Variants in TMEM108 observed in about 807,000 individuals in gnomAD.
TMEM108 encodes the protein cancer/testis antigen 124.
TMEM108 carries 12 observed loss-of-function variants against 35.1 expected under a neutral mutation model. The observed-to-expected ratio is 0.34, with a 90% confidence interval of 0.22 to 0.55. The LOEUF is 0.55. Ranked by LOEUF, TMEM108 falls within the 20% of genes least tolerant of loss-of-function variation. The pLI is 0.89. For synonymous variants in TMEM108, 287 were observed against 308.6 expected (o/e 0.93, Z 0.73); for missense variants, 680 against 753.3 (o/e 0.90, Z 1.14).
rs571675461 is a variant in TMEM108 at position 133,110,040 on chromosome 3, A to G, written c.-47+64020A>G. ...TCCACCAGTTAATCAGAAATCCTCT[A>G]TTTTAGCTTCCACTGTAATTGCATC... is the stretch of plus-strand genomic sequence containing the variant. On this transcript the variant is annotated intron_variant, in intron 2 of 5. Transcript: ENST00000321871. Among the ~76,000 whole-genome samples the G allele has an allele frequency of 1.2e-4, 18 of 152,260 alleles. No individual in the cohort carries two copies. In the South Asian group the frequency reaches 3.5e-3, roughly 30 times the overall value.
At chr3:133,378,133 T>C (rs1450684175) in intron 3 of TMEM108, among the ~76,000 whole-genome samples, 1 of 152,200 alleles carries the variant, frequency 6.6e-6, no homozygotes, top group Non-Finnish European at 1.5e-5. Context: ...ATAGATTGTT[T>C]AGGGCAAATT....
chr3:133,111,800 T>C (rs1329305038), intron 2 of TMEM108, among the ~76,000 whole-genome samples: 2 of 152,198 alleles, frequency 1.3e-5, no homozygotes, highest in Non-Finnish European at 2.9e-5. Context: ...CTTTGGTAGC[T>C]AAAGACTTGT....
chr3:133,176,993 A>T (rs1442387187), intron 2 of TMEM108, among the ~76,000 whole-genome samples: 1 of 152,196 alleles, frequency 6.6e-6, no homozygotes, highest in East Asian at 1.9e-4. Flanking sequence ...TATCACCACC[A>T]ATCCCACAGA....
intron 3 of TMEM108, among the ~76,000 whole-genome samples, chr3:133,245,109 A>C (rs1011862288): frequency 3.3e-5 from 5 of 152,218 alleles, no homozygotes; most frequent in African/African-American, 4.8e-5. Flanking sequence ...GAAGAGTCAC[A>C]AAAGTCTATG....
chr3:133,227,271 C>T (rs1425657607), intron 2 of TMEM108, among the ~76,000 whole-genome samples: 1 of 138,312 alleles, frequency 7.2e-6, no homozygotes, highest in African/African-American at 2.7e-5. Context: ...CGGCTCACTG[C>T]AGGCTCCGCC....
chr3:133,308,156 CTGTT>C (rs757105147), intron 3 of TMEM108, among the ~76,000 whole-genome samples: 8 of 152,084 alleles, frequency 5.3e-5, no homozygotes, highest in African/African-American at 1.4e-4. Flanking sequence ...ATTTGGCTCT[CTGTT>C]TGTCTGTTAT....
chr3:133,279,804 A>G (rs1946887081), intron 3 of TMEM108, among the ~76,000 whole-genome samples: 1 of 152,220 alleles, frequency 6.6e-6, no homozygotes, highest in African/African-American at 2.4e-5. Flanking sequence ...CCAGAATAGA[A>G]TCTATGAGCT....
intron 3 of TMEM108, among the ~76,000 whole-genome samples, chr3:133,376,863 T>G (rs955002502): frequency 1.3e-5 from 2 of 152,200 alleles, no homozygotes; most frequent in African/African-American, 4.8e-5. Flanking sequence ...GGCATGTGTA[T>G]TAGTTTGCTA....
chr3:133,093,688 T>C (rs1943976317), intron 2 of TMEM108, among the ~76,000 whole-genome samples: 1 of 152,218 alleles, frequency 6.6e-6, no homozygotes, highest in African/African-American at 2.4e-5. Flanking sequence ...ACTTACTGGG[T>C]GGAAGAAACT....
In TMEM108 at chr3:133,346,005, G is replaced by A. The variant is rs1025304040; in HGVS notation, c.41-33747G>A. Among the ~76,000 whole-genome samples the A allele has an allele frequency of 2.0e-5, 3 of 151,720 alleles. No homozygotes were observed. Among genetic ancestry groups the A allele is most frequent in the Admixed American group, 6.6e-5 (1 of 15,208 alleles). ...ATTGCTGAATAATATTTCATCATAC[G>A]GATGTACCACAGTTTCTGTGTTCGT... On this transcript the variant is annotated intron_variant, in intron 3 of 5. Transcript: ENST00000321871. The surrounding 1 kb of genome is among the most constrained non-coding windows in gnomAD (Gnocchi z 4.0).
intron 3 of TMEM108, among the ~76,000 whole-genome samples, chr3:133,377,319 A>G (rs2072872378): frequency 6.6e-6 from 1 of 152,210 alleles, no homozygotes; most frequent in African/African-American, 2.4e-5. Flanking sequence ...GGTCACCACC[A>G]CTAGCCCTAG....
At chr3:133,379,384 A>G (rs1305238979) in intron 3 of TMEM108, among the ~76,000 whole-genome samples, 1 of 152,244 alleles carries the variant, frequency 6.6e-6, no homozygotes, top group Non-Finnish European at 1.5e-5. Flanking sequence ...CTGCAGAGGA[A>G]GAGGCAGATG....
chr3:133,386,650 G>A (rs2107854267), intron 4 of TMEM108: 1 of 1,414,780 alleles, frequency 7.1e-7, no homozygotes, highest in Non-Finnish European at 9.2e-7. Flanking sequence ...GATGGCTACT[G>A]CCTCAGGAGA....
intron 3 of TMEM108, among the ~76,000 whole-genome samples, chr3:133,308,917 AAT>A (rs2071084275): frequency 6.6e-6 from 1 of 152,098 alleles, no homozygotes; most frequent in Non-Finnish European, 1.5e-5. Context: ...TATTGATTGG[AAT>A]AGTTTCAGAA....
In TMEM108 at chr3:133,310,530, C is replaced by CTTTTTTTTTTTTTTTTTTTTTT. The variant is rs59215786; in HGVS notation, c.41-69214_41-69193dup. Among the ~76,000 whole-genome samples the CTTTTTTTTTTTTTTTTTTTTTT allele has an allele frequency of 1.8e-4, 4 of 22,250 alleles. 1 individual carries two copies. The highest frequency in any genetic ancestry group is 3.3e-4 in the Non-Finnish European group (4 of 12,236). 14.6% of individuals were successfully genotyped at this position (22,250 alleles called of 152,430 possible). On this transcript the variant is annotated intron_variant, in intron 3 of 5. Transcript: ENST00000321871. ...TCAGAGACTAGGATTGCAACCCCTG[C>CTTTTTTTTTTTTTTTTTTTTTT]TTTTTTTTTTTTTTTTTTTTTTTTT...
intron 2 of TMEM108, among the ~76,000 whole-genome samples, chr3:133,154,868 TAAAA>T (rs554544969): frequency 7.0e-6 from 1 of 143,874 alleles, no homozygotes; most frequent in African/African-American, 3.0e-5. Context: ...TAATAATAAT[TAAAA>T]AAAATTATTT....
intron 3 of TMEM108, among the ~76,000 whole-genome samples, chr3:133,367,390 T>C (rs74477447): frequency 0.046 from 7,065 of 152,314 alleles, 206 homozygotes; most frequent in Non-Finnish European, 0.067. Context: ...AAGAAAGCTT[T>C]TTAATTCCCA....
At chr3:133,088,111 T>C (rs1194182192) in intron 2 of TMEM108, among the ~76,000 whole-genome samples, 1 of 152,076 alleles carries the variant, frequency 6.6e-6, no homozygotes, top group African/African-American at 2.4e-5. Context: ...TTTGGAGAAG[T>C]AAAAAGAAAG....
intron 3 of TMEM108, among the ~76,000 whole-genome samples, chr3:133,321,813 A>G (rs1200909097): frequency 1.3e-5 from 2 of 152,336 alleles, no homozygotes; most frequent in African/African-American, 2.4e-5. Flanking sequence ...AAGAAAGCCA[A>G]AATTATACCA....
Sources: gnomAD v4.1 joint callset for allele counts (sites outside exome capture counted in the v4.1 genomes callset) on GRCh38, gnomAD v4.1.1 for gene constraint, Gnocchi (gnomAD v3.1) non-coding constraint, MANE v1.5 for transcripts, NCBI Gene and HGNC (gene_info 2026-07-23, HGNC 2026-07-21) for gene names.